Variants in PPP2R3A observed in about 807,000 individuals in gnomAD.
PPP2R3A encodes the protein protein phosphatase 2 regulatory subunit B''alpha, also known as serine/threonine-protein phosphatase 2A regulatory subunit B'' subunit alpha.
In PPP2R3A, 80 loss-of-function variants were observed where a neutral mutation model predicts 106.9. The observed-to-expected ratio is 0.75, with a 90% CI of 0.62 to 0.90. PPP2R3A has a LOEUF of 0.90. Ranked by LOEUF, PPP2R3A falls within the 40% of genes least tolerant of loss-of-function variation. PPP2R3A has a pLI of 0.00. For missense variants in PPP2R3A, 1,386 were observed against 1,350.4 expected, an observed-to-expected ratio of 1.03 and a Z score of -0.41; for synonymous variants, 483 against 468.3, an observed-to-expected ratio of 1.03 and a Z score of -0.41.
intron 1 of PPP2R3A, among the ~76,000 whole-genome samples, chr3:135,991,873 C>T (rs184970550): frequency 6.6e-6 from 1 of 152,202 alleles, no homozygotes; most frequent in African/African-American, 2.4e-5. Context: ...TTCCTAATTC[C>T]CATGTGTTCA....
At chr3:136,029,208 CAA>C (rs1374454688) in intron 3 of PPP2R3A, among the ~76,000 whole-genome samples, 3 of 152,176 alleles carry the variant, frequency 2.0e-5, no homozygotes, top group East Asian at 1.9e-4. Context: ...GGTAAGCAGA[CAA>C]AGAGAAACTT....
At chr3:136,086,133 A>G (rs1250159031) in intron 8 of PPP2R3A, among the ~76,000 whole-genome samples, 2 of 145,460 alleles carry the variant, frequency 1.4e-5, no homozygotes, top group Non-Finnish European at 3.0e-5. Flanking sequence ...TGTCTCAAAG[A>G]AAAAAAAAAA....
In PPP2R3A at chr3:136,049,355, AC is replaced by A. The variant is rs1472728907; in HGVS notation, c.2464del (p.Leu822PhefsTer14). ...TAGAACAGGAGGATTTCATCCCTCTACTTCAGGTAATTTTCATCTCCTTTTG... is the reference window on the plus strand; with the variant it reads ...TAGAACAGGAGGATTTCATCCCTCTATTCAGGTAATTTTCATCTCCTTTTG... ...SLEQEDFIPL[L>X]QDVVDTHPGL... On this transcript the variant is annotated frameshift_variant, in exon 5 of 14. Coordinates refer to ENST00000264977, the MANE Select transcript of PPP2R3A (RefSeq NM_002718.5). LOFTEE classifies it high-confidence loss of function. 1.3e-6 allele frequency: 2 copies of A among 1,599,078 alleles called. No homozygotes were observed. Among genetic ancestry groups the A allele is most frequent in the Non-Finnish European group, 1.7e-6 (2 of 1,173,744 alleles).
At chr3:135,998,713 G>A (rs765374703) in intron 1 of PPP2R3A, among the ~76,000 whole-genome samples, 1 of 152,122 alleles carries the variant, frequency 6.6e-6, no homozygotes, top group African/African-American at 2.4e-5. Flanking sequence ...AAAACAAATA[G>A]TAAATAACCT....
At chr3:136,087,094 C>T (rs1376713278) in intron 8 of PPP2R3A, among the ~76,000 whole-genome samples, 3 of 152,124 alleles carry the variant, frequency 2.0e-5, no homozygotes, top group Admixed American at 6.5e-5. Flanking sequence ...ATCCCAGCTA[C>T]TTGGGAAGCT....
chr3:136,048,540 C>T (rs1935555437), intron 4 of PPP2R3A, among the ~76,000 whole-genome samples: 1 of 152,102 alleles, frequency 6.6e-6, no homozygotes, highest in Non-Finnish European at 1.5e-5. Flanking sequence ...GGCGTGGTGG[C>T]ATGCGCCTAT....
chr3:136,133,423 A>G (rs1400784784), intron 13 of PPP2R3A, among the ~76,000 whole-genome samples: 1 of 152,208 alleles, frequency 6.6e-6, no homozygotes, highest in Non-Finnish European at 1.5e-5. Flanking sequence ...ATTGCAAATT[A>G]AAACCTCAGT....
At chr3:135,974,574 T>G (rs1279250784) in intron 1 of PPP2R3A, among the ~76,000 whole-genome samples, 1 of 152,202 alleles carries the variant, frequency 6.6e-6, no homozygotes, top group African/African-American at 2.4e-5. Context: ...AAAAGGGGAC[T>G]TTTTTCTTCT....
At chr3:136,054,253 C>CTTT (rs35801926) in intron 5 of PPP2R3A, among the ~76,000 whole-genome samples, 118 of 80,726 alleles carry the variant, frequency 1.5e-3, no homozygotes, top group East Asian at 2.3e-3. Context: ...CTTCACAATT[C>CTTT]TTTTTTTTTT....
At chr3:136,118,192 T>A (rs1015944663) in intron 13 of PPP2R3A, among the ~76,000 whole-genome samples, 2 of 152,162 alleles carry the variant, frequency 1.3e-5, no homozygotes, top group African/African-American at 4.8e-5. Context: ...TCATGCTAAA[T>A]GCTCTCAATA....
At chr3:136,031,634 C>A (rs1270786052) in intron 3 of PPP2R3A, among the ~76,000 whole-genome samples, 2 of 152,162 alleles carry the variant, frequency 1.3e-5, no homozygotes, top group East Asian at 1.9e-4. Context: ...TTTATAGTTT[C>A]AGGTCTTAGA....
rs182080481 is a variant in PPP2R3A at position 136,145,907 on chromosome 3, A to G, written c.*741A>G. The G allele has an allele frequency of 6.6e-6, 1 of 151,934 alleles. No homozygotes were observed. The highest frequency in any genetic ancestry group is 2.4e-5 in the African/African-American group (1 of 41,348). 9.4% of individuals were successfully genotyped at this position (151,934 alleles called of 1,614,324 possible). On this transcript the variant is annotated 3_prime_UTR_variant, in exon 14 of 14. Transcript: ENST00000264977. ...CTCATACTTGGAAAAAGCCCTTTTA[A>G]CTTTTATCTTTTATTCATTGAACTA...
chr3:136,016,721 T>A (rs573093180), intron 2 of PPP2R3A, among the ~76,000 whole-genome samples: 5 of 152,172 alleles, frequency 3.3e-5, no homozygotes, highest in African/African-American at 1.2e-4. Flanking sequence ...GTTAGGTGAG[T>A]CTCTTAAAGA....
intron 6 of PPP2R3A, among the ~76,000 whole-genome samples, chr3:136,074,873 A>C (rs1936547756): frequency 6.6e-6 from 1 of 152,112 alleles, no homozygotes; most frequent in Admixed American, 6.6e-5. Context: ...AGAAAAAAAA[A>C]TTTTTGTTAG....
chr3:136,072,011 C>T (rs1021152561), intron 6 of PPP2R3A, among the ~76,000 whole-genome samples: 1 of 152,088 alleles, frequency 6.6e-6, no homozygotes, highest in African/African-American at 2.4e-5. Flanking sequence ...CCTCTGCCCC[C>T]TCCCCCTACA....
At chr3:136,082,867 G>T (rs1936821771) in intron 8 of PPP2R3A, among the ~76,000 whole-genome samples, 1 of 152,120 alleles carries the variant, frequency 6.6e-6, no homozygotes, top group Non-Finnish European at 1.5e-5. Flanking sequence ...TTTACTTTTG[G>T]AAATTTTGTT....
Position 136,049,340 on chromosome 3 carries a change from G to A in PPP2R3A, c.2448G>A (p.Glu816=). ...AKPNCSSLEQ[E]DFIPLLQDVV... is the part of the protein sequence containing the mutation. ...CCAACTGCAGCTCTCTAGAACAGGA[G>A]GATTTCATCCCTCTACTTCAGGTAA... is the stretch of plus-strand genomic sequence containing the variant. Residue 816 remains glutamate, a synonymous_variant, in exon 5 of 14, where the codon GAG becomes GAA. Transcript: ENST00000264977. 2 of 1,612,012 alleles carry A rather than the reference G, an allele frequency of 1.2e-6. No homozygotes were observed. Among genetic ancestry groups the A allele is most frequent in the African/African-American group, 1.3e-5 (1 of 74,956 alleles).
intron 6 of PPP2R3A, 118 bp downstream of exon 6, chr3:136,070,670 C>A: frequency 1.4e-6 from 1 of 710,406 alleles, no homozygotes; most frequent in Non-Finnish European, 2.1e-6. Context: ...ATGATTATTT[C>A]AAGTGGAAGG....
Position 136,002,470 on chromosome 3 carries a change from A to G in PPP2R3A, c.972A>G (p.Pro324=), listed in dbSNP as rs746833220. 1.9e-6 allele frequency: 3 copies of G among 1,614,116 alleles called. No individual in the cohort carries two copies. Among genetic ancestry groups the G allele is most frequent in the Non-Finnish European group, 2.5e-6 (3 of 1,179,974 alleles). The change falls in exon 2 of 14, where the codon CCA becomes CCG. Residue 324 remains proline (P), a synonymous_variant. Coordinates refer to ENST00000264977, the MANE Select transcript of PPP2R3A (RefSeq NM_002718.5). ...MPSLQLTPFS[P]VFGTEQPPKY... Reference sequence around the variant, plus strand: ...GCTTACAACTGACTCCCTTCTCCCCAGTGTTTGGCACTGAACAACCCCCTA... The same window carrying G: ...GCTTACAACTGACTCCCTTCTCCCCGGTGTTTGGCACTGAACAACCCCCTA...
Sources: allele counts gnomAD v4.1 joint callset (sites outside exome capture counted in the v4.1 genomes callset), GRCh38; gene constraint gnomAD v4.1.1; transcripts MANE v1.5; gene names NCBI Gene and HGNC (gene_info 2026-07-23, HGNC 2026-07-21).